PLXNC1: variants seen among roughly 807,000 people sequenced by gnomAD.
The protein encoded by PLXNC1 is plexin-C1.
A neutral mutation model predicts 178.2 loss-of-function variants in PLXNC1; 75 were observed. That is an observed-to-expected ratio of 0.42 (90% CI 0.35 to 0.51). The LOEUF (loss-of-function observed/expected upper bound fraction) is 0.51. PLXNC1 is among the 20% of genes least tolerant of loss of function. PLXNC1 has a pLI of 0.02. For synonymous variants in PLXNC1, 790 were observed against 779.9 expected, an observed-to-expected ratio of 1.01 and a Z score of -0.22; for missense variants, 1,503 against 1,984.4, an observed-to-expected ratio of 0.76 and a Z score of 4.61.
intron 4 of PLXNC1, among the ~76,000 whole-genome samples, chr12:94,197,148 A>G (rs1438769563): frequency 6.6e-6 from 1 of 152,216 alleles, no homozygotes; most frequent in African/African-American, 2.4e-5. Flanking sequence ...GCCCACCCAG[A>G]TAATCCAAAA....
chr12:94,226,886 G>T (rs1423143939), intron 8 of PLXNC1, among the ~76,000 whole-genome samples, 179 bp downstream of exon 8: 1 of 152,152 alleles, frequency 6.6e-6, no homozygotes, highest in Non-Finnish European at 1.5e-5. Flanking sequence ...AGTGGGGTGT[G>T]GTGGCGCATG....
At position 94,290,947 on chromosome 12, in the gene PLXNC1, T is replaced by A. The variant is rs187300123; in HGVS notation, c.3880-3539T>A. On this transcript the variant is annotated intron_variant, in intron 23 of 30. Transcript: ENST00000258526. Reference sequence around the variant, plus strand: ...CTGCCTCCTTCTTGCCACCCGTTTGTCTTGTAATTTTGTGAATGAGCCCCT... The same window carrying A: ...CTGCCTCCTTCTTGCCACCCGTTTGACTTGTAATTTTGTGAATGAGCCCCT... 3.3e-5 allele frequency among the ~76,000 whole-genome samples: 5 copies of A among 152,234 alleles called. No individual in the cohort carries two copies. The East Asian group carries it at 9.7e-4, about 29-fold the overall frequency.
At chr12:94,186,525 C>T (rs756198387) in intron 4 of PLXNC1, 52 bp downstream of exon 4, 11 of 1,131,134 alleles carry the variant, frequency 9.7e-6, no homozygotes, top group Non-Finnish European at 1.2e-5. Context: ...AAGTGTCATG[C>T]GGCAGAACAC....
chr12:94,203,816 C>T lies in PLXNC1; in HGVS notation c.1440-5774C>T, dbSNP rs139515124. On this transcript the variant is annotated intron_variant, in intron 4 of 30. Transcript: ENST00000258526. ...TGGTTTGAAAATGTCACCTAAAAAG[C>T]GTGTGTTGGGAATTTAATCCCCAAT... Among the ~76,000 whole-genome samples, 511 of 152,278 alleles carry T rather than the reference C, an allele frequency of 3.4e-3. 2 individuals carry two copies. The highest frequency in any genetic ancestry group is 0.012 in the African/African-American group (485 of 41,544).
chr12:94,260,789 C>T lies in PLXNC1; in HGVS notation c.3399C>T (p.Val1133=), dbSNP rs149238330. ...TGCTGAGACGCACGGAGTCCGTCGT[C>T]GAAAAACTCCTCACAAACTGGATGT... ...KLMLRRTESV[V]EKLLTNWMSV... Residue 1133 remains valine (V), a synonymous_variant, in exon 20 of 31, where the codon GTC becomes GTT. Coordinates refer to ENST00000258526, the MANE Select transcript of PLXNC1 (RefSeq NM_005761.3). The surrounding 1 kb of genome is among the most constrained non-coding windows in gnomAD (Gnocchi z 4.4). 1,169 of 1,614,184 alleles carry T rather than the reference C, an allele frequency of 7.2e-4. No homozygotes were observed. The highest frequency in any genetic ancestry group is 9.1e-4 in the Non-Finnish European group (1,071 of 1,180,032).
At chr12:94,173,150 A>G (rs1406133777) in intron 2 of PLXNC1, among the ~76,000 whole-genome samples, 3 of 152,156 alleles carry the variant, frequency 2.0e-5, no homozygotes, top group South Asian at 4.1e-4. Context: ...GCTGAAAAGT[A>G]TGGTCACACT....
chr12:94,285,655 C>T (rs935361961), intron 23 of PLXNC1, among the ~76,000 whole-genome samples: 8 of 152,286 alleles, frequency 5.3e-5, no homozygotes, highest in East Asian at 1.9e-4. Flanking sequence ...TGGAAAAACA[C>T]GGCCCCAGAG....
chr12:94,197,012 G>C (rs1175060878), intron 4 of PLXNC1, among the ~76,000 whole-genome samples: 2 of 152,156 alleles, frequency 1.3e-5, no homozygotes, highest in Non-Finnish European at 2.9e-5. Flanking sequence ...GCATTGACAG[G>C]GCTGTGCTCC....
chr12:94,209,470 C>G (rs1963399974), intron 4 of PLXNC1, 120 bp from the exon 5 acceptor site: 2 of 677,106 alleles, frequency 3.0e-6, no homozygotes, highest in Non-Finnish European at 5.4e-6. Context: ...ATCCACTGTA[C>G]AAGGTCTGGC....
chr12:94,224,130 C>A (rs1355997917), intron 6 of PLXNC1, 98 bp from the exon 7 acceptor site: 1 of 787,750 alleles, frequency 1.3e-6, no homozygotes, highest in Middle Eastern at 2.3e-4. Context: ...GCCCACTATG[C>A]AGAGGAAGCA....
At chr12:94,251,566 C>T in intron 15 of PLXNC1, 38 bp downstream of exon 15, 2 of 1,297,142 alleles carry the variant, frequency 1.5e-6, no homozygotes, top group African/African-American at 2.9e-5. Flanking sequence ...GAAATTATTC[C>T]CTGGGGCCTC....
At chr12:94,242,416 C>G (rs902944169) in intron 11 of PLXNC1, among the ~76,000 whole-genome samples, 6 of 146,536 alleles carry the variant, frequency 4.1e-5, no homozygotes, top group Non-Finnish European at 8.9e-5. Context: ...TCAAGTGATT[C>G]TCCTGCCTCA....
chr12:94,195,512 C>A (rs1485279282), intron 4 of PLXNC1, among the ~76,000 whole-genome samples: 1 of 152,208 alleles, frequency 6.6e-6, no homozygotes, highest in South Asian at 2.1e-4. Context: ...TGCATTCACC[C>A]TCCCAACACT....
chr12:94,239,963 G>A (rs536030919), intron 10 of PLXNC1, among the ~76,000 whole-genome samples: 72 of 152,296 alleles, frequency 4.7e-4, no homozygotes, highest in African/African-American at 1.6e-3. Context: ...CAAGAGAGAT[G>A]AGTGTAATGA....
intron 20 of PLXNC1, among the ~76,000 whole-genome samples, chr12:94,263,782 A>AC (rs1418519527): frequency 1.3e-5 from 2 of 152,022 alleles, no homozygotes; most frequent in Non-Finnish European, 2.9e-5. Flanking sequence ...TGAAGAGGAG[A>AC]CTCAAGGAGG....
chr12:94,243,854 G>A, intron 11 of PLXNC1, 84 bp from the exon 12 acceptor site: 1 of 620,220 alleles, frequency 1.6e-6, no homozygotes, highest in Non-Finnish European at 2.9e-6. Flanking sequence ...TATTAAACAT[G>A]AATAAATTGA....
Position 94,301,096 on chromosome 12 carries a change from T to C in PLXNC1, c.4386+39T>C, listed in dbSNP as rs55787485. ...TGAGTATTTCTTGTATGCAGTCTTA[T>C]GAGTTTGACATACTTGTCTTTCTGA... is the stretch of plus-strand genomic sequence containing the variant. On this transcript the variant is annotated intron_variant, in intron 28 of 30. Transcript: ENST00000258526. 4.4e-6 allele frequency: 7 copies of C among 1,589,808 alleles called. No individual in the cohort carries two copies. The African/African-American group carries it at 5.4e-5, about 12-fold the overall frequency.
intron 2 of PLXNC1, among the ~76,000 whole-genome samples, chr12:94,176,854 A>C (rs1206793294): frequency 6.6e-6 from 1 of 151,910 alleles, no homozygotes; most frequent in Non-Finnish European, 1.5e-5. Flanking sequence ...ATATGTCTAT[A>C]TTTATAGATA....
intron 2 of PLXNC1, among the ~76,000 whole-genome samples, chr12:94,172,039 C>A (rs973947644): frequency 6.6e-6 from 1 of 152,202 alleles, no homozygotes; most frequent in Non-Finnish European, 1.5e-5. Context: ...TTGGAAACTA[C>A]CGATAATCCT....
Sources: gnomAD v4.1 joint callset for allele counts (sites outside exome capture counted in the v4.1 genomes callset) on GRCh38, gnomAD v4.1.1 for gene constraint, Gnocchi (gnomAD v3.1) non-coding constraint, MANE v1.5 for transcripts, NCBI Gene and HGNC (gene_info 2026-07-23, HGNC 2026-07-21) for gene names.